Variants in ITPR1 observed in about 807,000 individuals in gnomAD.
ITPR1 encodes the protein inositol 1,4,5-trisphosphate receptor type 1.
Under a neutral mutation model 318.4 loss-of-function variants are expected in ITPR1, and 96 were observed. That is an observed-to-expected ratio of 0.30 (90% CI 0.26 to 0.36). ITPR1 has a LOEUF of 0.36. Ranked by LOEUF, ITPR1 falls within the 10% of genes least tolerant of loss-of-function variation. The pLI is 1.00. For missense variants in ITPR1, 2,440 were observed against 3,460.2 expected (o/e 0.71, Z 7.40); for synonymous variants, 1,312 against 1,289.9 (o/e 1.02, Z -0.37).
intron 4 of ITPR1, among the ~76,000 whole-genome samples, chr3:4,530,272 T>C (rs1246066749): frequency 6.6e-6 from 1 of 152,224 alleles, no homozygotes; most frequent in Non-Finnish European, 1.5e-5. Flanking sequence ...AATCTTGCCC[T>C]GCACTCCTGG....
At chr3:4,620,282 C>T (rs2686607) in intron 4 of ITPR1, among the ~76,000 whole-genome samples, 22,363 of 152,168 alleles carry the variant, frequency 0.15, 3,071 homozygotes, top group African/African-American at 0.36. Context: ...ACATGGTACA[C>T]GCAGCTGCAG....
intron 37 of ITPR1, among the ~76,000 whole-genome samples, chr3:4,707,937 C>T (rs2094793992): frequency 1.3e-5 from 2 of 152,100 alleles, no homozygotes. Context: ...TGATCTTTGT[C>T]TCATAGTATC....
At chr3:4,665,760 T>C (rs558306702) in intron 17 of ITPR1, among the ~76,000 whole-genome samples, 1 of 152,224 alleles carries the variant, frequency 6.6e-6, no homozygotes, top group Non-Finnish European at 1.5e-5. Context: ...AGTTATATTT[T>C]ACATATTATA....
chr3:4,508,793 G>C (rs892480480), intron 2 of ITPR1, among the ~76,000 whole-genome samples: 2 of 152,152 alleles, frequency 1.3e-5, no homozygotes, highest in African/African-American at 4.8e-5. Context: ...GTTAGAAGGC[G>C]GGGGAGTTGA....
At chr3:4,641,973 C>G in intron 6 of ITPR1, 120 bp from the exon 7 acceptor site, 1 of 726,756 alleles carries the variant, frequency 1.4e-6, no homozygotes. Context: ...GATTCTCTGG[C>G]TTCACCAGCA....
chr3:4,812,039 CTTTTTT>C (rs9311415), intron 56 of ITPR1, among the ~76,000 whole-genome samples: 1 of 137,912 alleles, frequency 7.3e-6, no homozygotes. Flanking sequence ...ACATGTATGT[CTTTTTT>C]TTTTTTTTTT....
At chr3:4,536,503 A>G (rs1271689856) in intron 4 of ITPR1, among the ~76,000 whole-genome samples, 1 of 152,220 alleles carries the variant, frequency 6.6e-6, no homozygotes, top group African/African-American at 2.4e-5. Context: ...GACTATTTAC[A>G]AGGTCACCTA....
chr3:4,788,088 C>A lies in ITPR1; in HGVS notation c.6757C>A (p.Leu2253Met). 2.5e-6 allele frequency: 4 copies of A among 1,610,496 alleles called. No individual in the cohort carries two copies. Among genetic ancestry groups the A allele is most frequent in the Non-Finnish European group, 2.5e-6 (3 of 1,178,298 alleles). The change falls in exon 52 of 62, where the codon CTG becomes ATG. Residue 2253 changes from leucine to methionine, a missense_variant. By Grantham distance (15) the Leu-to-Met change is conservative. Transcript: ENST00000649015. ...EQGSKINDFFLRSEDLFNEMN... is the reference protein window; with the variant it reads ...EQGSKINDFFMRSEDLFNEMN... Reference sequence around the variant, plus strand: ...AGGCAGCAAAATCAATGATTTCTTTCTGCGGTCTGAAGACCTCTTCAATGA... The same window carrying A: ...AGGCAGCAAAATCAATGATTTCTTTATGCGGTCTGAAGACCTCTTCAATGA...
intron 4 of ITPR1, among the ~76,000 whole-genome samples, chr3:4,607,796 A>G (rs2091806434): frequency 6.6e-6 from 1 of 152,066 alleles, no homozygotes; most frequent in African/African-American, 2.4e-5. Flanking sequence ...CAGTAGTCAG[A>G]TTTGCAACAA....
intron 5 of ITPR1, among the ~76,000 whole-genome samples, chr3:4,630,704 G>A (rs2092990286): frequency 6.6e-6 from 1 of 151,676 alleles, no homozygotes. Flanking sequence ...TTCTGCCTCA[G>A]CCTCCCAAGT....
intron 5 of ITPR1, among the ~76,000 whole-genome samples, chr3:4,629,216 T>A (rs2092937690): frequency 6.6e-6 from 1 of 152,180 alleles, no homozygotes; most frequent in South Asian, 2.1e-4. Context: ...ATTTTATATT[T>A]TATTTTATTT....
chr3:4,776,602 T>C (rs537268626), intron 47 of ITPR1, among the ~76,000 whole-genome samples: 1 of 152,214 alleles, frequency 6.6e-6, no homozygotes. Flanking sequence ...ATGCACTTTC[T>C]TCTCCCGGTT....
chr3:4,836,691 G>A lies in ITPR1; in HGVS notation c.8029-83G>A, dbSNP rs956693950. The A allele has an allele frequency of 6.5e-5, 80 of 1,231,792 alleles. 1 individual carries two copies. The highest frequency in any genetic ancestry group is 1.5e-4 in the African/African-American group (10 of 64,800). The allele number at this position is 1,231,792 out of a possible 1,614,324, so 76.3% of individuals were successfully genotyped here. A position where few individuals can be genotyped will look rare whatever the true frequency, so the allele number is the denominator to read the frequency against. ...TAATGAGAGTTAGGAAACATGGCAC[G>A]GTAAGCTGGCCTTTCTTGTTTTTAC... is the stretch of plus-strand genomic sequence containing the variant. On this transcript the variant is annotated intron_variant, in intron 60 of 61. Coordinates refer to ENST00000649015, the MANE Select transcript of ITPR1 (RefSeq NM_001378452.1).
chr3:4,658,294 TG>T lies in ITPR1; in HGVS notation c.1151+17del. The T allele has an allele frequency of 6.3e-7, 1 of 1,594,324 alleles. No homozygotes were observed. The highest frequency in any genetic ancestry group is 8.6e-7 in the Non-Finnish European group (1 of 1,165,648). ...TTGTCCCAAGGTATCATTTTAAAAT[TG>T]CTTTTCCCCAAAGAATCAGGCCTGG... is the stretch of plus-strand genomic sequence containing the variant. On this transcript the variant is annotated intron_variant, in intron 13 of 61. Coordinates refer to ENST00000649015, the MANE Select transcript of ITPR1 (RefSeq NM_001378452.1).
intron 44 of ITPR1, among the ~76,000 whole-genome samples, chr3:4,739,789 G>A (rs1341519262): frequency 6.6e-6 from 1 of 152,160 alleles, no homozygotes; most frequent in East Asian, 1.9e-4. Flanking sequence ...TCTTGGCTGG[G>A]TCTGCAACCA....
At chr3:4,672,360 T>C (rs183801927) in intron 20 of ITPR1, among the ~76,000 whole-genome samples, 49 of 152,386 alleles carry the variant, frequency 3.2e-4, no homozygotes, top group African/African-American at 1.2e-3. Context: ...TAGACTCATG[T>C]CTACACTTGC....
chr3:4,515,359 TG>T (rs2082105275), intron 2 of ITPR1, among the ~76,000 whole-genome samples: 1 of 151,918 alleles, frequency 6.6e-6, no homozygotes, highest in Non-Finnish European at 1.5e-5. Context: ...TGTAACTGTG[TG>T]GGGTAAATGG....
In ITPR1 at chr3:4,583,497, G is replaced by A. The variant is rs370122488; in HGVS notation, c.164-44266G>A. Among the ~76,000 whole-genome samples, 11 of 152,242 alleles carry A rather than the reference G, an allele frequency of 7.2e-5. No homozygotes were observed. The South Asian group carries it at 1.0e-3, about 14-fold the overall frequency. On this transcript the variant is annotated intron_variant, in intron 4 of 61. Coordinates refer to ENST00000649015, the MANE Select transcript of ITPR1 (RefSeq NM_001378452.1). ...GTTACAGGCCTCTCCTTGGCAAAAT[G>A]TTTTTCCGTTTGTAGTTTCTCAGCA... is the stretch of plus-strand genomic sequence containing the variant.
chr3:4,782,833 A>G (rs2046922160), intron 50 of ITPR1, 92 bp downstream of exon 50: 3 of 1,243,608 alleles, frequency 2.4e-6, no homozygotes, highest in East Asian at 2.8e-5. Flanking sequence ...CTTTTCCTTT[A>G]TGACTTTAAC....
Sources: allele counts gnomAD v4.1 joint callset (sites outside exome capture counted in the v4.1 genomes callset), GRCh38; gene constraint gnomAD v4.1.1; transcripts MANE v1.5; gene names NCBI Gene and HGNC (gene_info 2026-07-23, HGNC 2026-07-21).